MIPOL1: variants seen among roughly 807,000 people sequenced by gnomAD.
The protein encoded by MIPOL1 is mirror-image polydactyly gene 1 protein.
In MIPOL1, 57 loss-of-function variants were observed where a neutral mutation model predicts 60.9. The observed-to-expected ratio is 0.94, with a 90% CI of 0.76 to 1.17. MIPOL1 has a LOEUF of 1.17. Among genes scored for constraint, MIPOL1 ranks in the 50% most tolerant of loss-of-function variants. The probability of loss-of-function intolerance (pLI) is 0.00; values close to 1 mark genes in which losing one functional copy is unlikely to be tolerated. For missense variants in MIPOL1, 551 were observed against 511.6 expected (o/e 1.08, Z -0.74); for synonymous variants, 179 against 168.8 (o/e 1.06, Z -0.47).
At chr14:37,307,172 C>T (rs763620855) in intron 7 of MIPOL1, among the ~76,000 whole-genome samples, 70 of 151,586 alleles carry the variant, frequency 4.6e-4, no homozygotes, top group Admixed American at 6.6e-4. Context: ...AGCACAGAAA[C>T]GGGGAAAACT....
chr14:37,295,860 C>G (rs1311258977), intron 7 of MIPOL1, among the ~76,000 whole-genome samples: 2 of 152,160 alleles, frequency 1.3e-5, no homozygotes, highest in Non-Finnish European at 2.9e-5. Flanking sequence ...TCATGGGAGA[C>G]TTTAACACCC....
chr14:37,338,145 C>T lies in MIPOL1; in HGVS notation c.828+29626C>T, dbSNP rs370052069. The stretch of plus-strand genomic sequence containing the variant: ...TTTTTGAGACGGAGTCTCGCTCTGT[C>T]GCCCAGGCTGGAGTGCAGTGGCGTG... On this transcript the variant is annotated intron_variant, in intron 9 of 12. Coordinates refer to ENST00000684589, the MANE Select transcript of MIPOL1 (RefSeq NM_001388067.1). 4.7e-3 allele frequency among the ~76,000 whole-genome samples: 616 copies of T among 131,696 alleles called. 2 individuals carry two copies. The highest frequency in any genetic ancestry group is 0.012 in the African/African-American group (423 of 34,770). The allele number at this position is 131,696 out of a possible 152,430, so 86.4% of individuals were successfully genotyped here. A position where few individuals can be genotyped will look rare whatever the true frequency, so the allele number is the denominator to read the frequency against.
At chr14:37,328,840 G>GA (rs1427725339) in intron 9 of MIPOL1, among the ~76,000 whole-genome samples, 1 of 152,216 alleles carries the variant, frequency 6.6e-6, no homozygotes, top group Middle Eastern at 3.2e-3. Context: ...GTGTGTGAGA[G>GA]AAGGAGCATG....
chr14:37,233,187 T>TCTTTGATTGTTGGGG (rs1970898766), intron 1 of MIPOL1, among the ~76,000 whole-genome samples: 1 of 152,160 alleles, frequency 6.6e-6, no homozygotes, highest in Non-Finnish European at 1.5e-5. Context: ...CCCTAAAATT[T>TCTTTGATTGTTGGGG]CCAGTCATTC....
chr14:37,308,262 A>G (rs2153433981), intron 8 of MIPOL1, 87 bp from the exon 9 acceptor site: 8 of 1,251,060 alleles, frequency 6.4e-6, no homozygotes, highest in East Asian at 5.0e-5. Context: ...TCAATTTACA[A>G]TTCACATGTG....
chr14:37,433,811 C>T (rs995412849), intron 11 of MIPOL1, among the ~76,000 whole-genome samples: 6 of 152,148 alleles, frequency 3.9e-5, no homozygotes, highest in Non-Finnish European at 8.8e-5. Flanking sequence ...CTGCCTCGGC[C>T]TCCCAAAGTG....
chr14:37,262,275 C>T lies in MIPOL1; in HGVS notation c.20-4663C>T, dbSNP rs868151946. ...GAAGTCATTGGGAGCAATCACTAGT[C>T]GGCATTGTTCTGATTATTTCAAAAC... On this transcript the variant is annotated intron_variant, in intron 3 of 12. Transcript: ENST00000684589. Among the ~76,000 whole-genome samples the T allele has an allele frequency of 4.0e-4, 60 of 151,622 alleles. 1 individual carries two copies. Among genetic ancestry groups the T allele is most frequent in the Non-Finnish European group, 6.8e-4 (46 of 67,902 alleles).
chr14:37,441,877 T>C (rs2094251973), intron 11 of MIPOL1, among the ~76,000 whole-genome samples: 1 of 152,098 alleles, frequency 6.6e-6, no homozygotes, highest in Admixed American at 6.6e-5. Context: ...TTTAATAATA[T>C]TAATTCTTCT....
At chr14:37,225,546 C>G (rs1416376469) in intron 1 of MIPOL1, among the ~76,000 whole-genome samples, 1 of 152,174 alleles carries the variant, frequency 6.6e-6, no homozygotes, top group Non-Finnish European at 1.5e-5. Context: ...TCAGCCATGG[C>G]TGGAGCAACT....
chr14:37,296,267 AAAC>A (rs1239946800), intron 7 of MIPOL1, among the ~76,000 whole-genome samples: 6 of 152,232 alleles, frequency 3.9e-5, no homozygotes, highest in African/African-American at 1.4e-4. Context: ...GAGAACAAAG[AAAC>A]AACATACCAG....
rs566302472 is a variant in MIPOL1 at position 37,497,648 on chromosome 14, C to A, written c.1032-2260C>A. Among the ~76,000 whole-genome samples, 10 of 152,280 alleles carry A rather than the reference C, an allele frequency of 6.6e-5. No homozygotes were observed. In the South Asian group the frequency reaches 2.1e-3, roughly 32 times the overall value. ...TTGAGCCCAGGAGTTCAAGGTCAGC[C>A]TGGAAAACATAGTGAGAACTTGTCT... On this transcript the variant is annotated intron_variant, in intron 11 of 12. Coordinates refer to ENST00000684589, the MANE Select transcript of MIPOL1 (RefSeq NM_001388067.1).
intron 9 of MIPOL1, among the ~76,000 whole-genome samples, chr14:37,323,026 T>C (rs2088771737): frequency 1.3e-5 from 2 of 152,142 alleles, no homozygotes; most frequent in Admixed American, 1.3e-4. Context: ...TTGCTTTTGG[T>C]GTTTTAGTCA....
intron 1 of MIPOL1, among the ~76,000 whole-genome samples, chr14:37,222,334 C>T (rs1266799672): frequency 1.3e-5 from 2 of 151,640 alleles, no homozygotes; most frequent in African/African-American, 4.8e-5. Context: ...GTGATCCTCC[C>T]ACCTCAGCCT....
At chr14:37,477,688 A>C (rs1695673098) in intron 11 of MIPOL1, among the ~76,000 whole-genome samples, 1 of 152,178 alleles carries the variant, frequency 6.6e-6, no homozygotes, top group Admixed American at 6.5e-5. Context: ...GACACAACAC[A>C]CAGTTTATTC....
chr14:37,477,795 G>T (rs138534305), intron 11 of MIPOL1, among the ~76,000 whole-genome samples: 2 of 152,326 alleles, frequency 1.3e-5, no homozygotes, highest in East Asian at 3.9e-4. Flanking sequence ...CACCTACAAA[G>T]TGTAATAAAG....
intron 1 of MIPOL1, among the ~76,000 whole-genome samples, chr14:37,224,454 G>A (rs1453158979): frequency 1.3e-5 from 2 of 152,204 alleles, no homozygotes; most frequent in African/African-American, 2.4e-5. Context: ...CCTCACAATC[G>A]TGGTGGAAGG....
chr14:37,332,891 C>G (rs1595186169), intron 9 of MIPOL1, among the ~76,000 whole-genome samples: 2 of 152,120 alleles, frequency 1.3e-5, no homozygotes, highest in Admixed American at 6.6e-5. Flanking sequence ...GATCATTTTG[C>G]TATGATACAC....
chr14:37,324,583 AT>A (rs2088949478), intron 9 of MIPOL1, among the ~76,000 whole-genome samples: 1 of 152,000 alleles, frequency 6.6e-6, no homozygotes, highest in East Asian at 1.9e-4. Context: ...ATGACATCTA[AT>A]TTATCAGTAT....
At chr14:37,401,018 C>A (rs1271503682) in intron 10 of MIPOL1, 1 of 151,714 alleles carries the variant, frequency 6.6e-6, no homozygotes, top group Non-Finnish European at 1.5e-5. Flanking sequence ...TATAGAGAAC[C>A]AAAGATATTT....
Sources: gnomAD v4.1 joint callset for allele counts (sites outside exome capture counted in the v4.1 genomes callset) on GRCh38, gnomAD v4.1.1 for gene constraint, MANE v1.5 for transcripts, NCBI Gene and HGNC (gene_info 2026-07-23, HGNC 2026-07-21) for gene names.